The following CD48 variants were observed in gnomAD, a reference collection of about 807,000 sequenced individuals.
CD48 encodes the protein CD48 antigen.
In CD48, 20 loss-of-function variants were observed where a neutral mutation model predicts 22.0. That is an observed-to-expected ratio of 0.91 (90% CI 0.64 to 1.32). The LOEUF (loss-of-function observed/expected upper bound fraction) is 1.32, where lower values mean the gene tolerates loss of function less well. Among genes scored for constraint, CD48 ranks in the 40% most tolerant of loss-of-function variants. The probability of loss-of-function intolerance (pLI) is 0.00; values close to 1 mark genes in which losing one functional copy is unlikely to be tolerated. For missense variants in CD48, 307 were observed against 286.5 expected (o/e 1.07, Z -0.52); for synonymous variants, 110 against 110.1 (o/e 1.00, Z 0.01).
At chr1:160,684,835 T>C in intron 2 of CD48, 52 bp downstream of exon 2, 2 of 1,614,030 alleles carry the variant, frequency 1.2e-6, no homozygotes, top group South Asian at 1.1e-5. Flanking sequence ...CCTACAGTGG[T>C]CCATCTGGGG....
intron 1 of CD48, among the ~76,000 whole-genome samples, chr1:160,686,935 A>G (rs569803549): frequency 2.0e-5 from 3 of 152,196 alleles, no homozygotes; most frequent in Non-Finnish European, 4.4e-5. Context: ...ATCAGGAGAC[A>G]GGGTTTTGAG....
chr1:160,688,531 C>A (rs1246571878), intron 1 of CD48, among the ~76,000 whole-genome samples: 3 of 152,190 alleles, frequency 2.0e-5, no homozygotes, highest in Non-Finnish European at 4.4e-5. Flanking sequence ...GGAGGCTTAA[C>A]ACAACTCTGT....
chr1:160,680,522 G>T (rs986512266), intron 3 of CD48: 17 of 959,196 alleles, frequency 1.8e-5, no homozygotes, highest in Non-Finnish European at 1.9e-5. Context: ...GTGACCCCAG[G>T]TATGACTGAC....
chr1:160,710,637 C>T (rs1211245024), intron 1 of CD48, among the ~76,000 whole-genome samples: 2 of 152,196 alleles, frequency 1.3e-5, no homozygotes, highest in East Asian at 3.8e-4. Flanking sequence ...GAATACTTCA[C>T]ATCAGCCCCC....
intron 3 of CD48, 32 bp downstream of exon 3, chr1:160,681,170 T>C: frequency 1.9e-6 from 3 of 1,614,040 alleles, no homozygotes; most frequent in Non-Finnish European, 2.5e-6. Flanking sequence ...AGTTACCCTG[T>C]GCCCCCCTCA....
chr1:160,690,556 C>A (rs1330769800), intron 1 of CD48, among the ~76,000 whole-genome samples: 6 of 152,190 alleles, frequency 3.9e-5, no homozygotes, highest in African/African-American at 7.2e-5. Context: ...TCCTGAGCTT[C>A]TTGGGTCATT....
chr1:160,692,701 A>G (rs938769043), intron 1 of CD48, among the ~76,000 whole-genome samples: 5 of 152,200 alleles, frequency 3.3e-5, no homozygotes, highest in Non-Finnish European at 7.3e-5. Context: ...AGAAGTCAAG[A>G]AAGGAAGGAG....
chr1:160,680,996 C>T, intron 3 of CD48: 1 of 1,349,318 alleles, frequency 7.4e-7, no homozygotes, highest in East Asian at 2.6e-5. Flanking sequence ...CAGGTGAGAA[C>T]ACTGAGCCCC....
chr1:160,694,566 G>A (rs1662341816), intron 1 of CD48, among the ~76,000 whole-genome samples: 1 of 152,034 alleles, frequency 6.6e-6, no homozygotes, highest in Non-Finnish European at 1.5e-5. Context: ...AATCTGTGGG[G>A]TCGAGATTTG....
intron 3 of CD48, chr1:160,680,620 C>T: frequency 2.0e-6 from 2 of 1,008,474 alleles, no homozygotes; most frequent in Non-Finnish European, 2.4e-6. Flanking sequence ...GTGGATCCTC[C>T]CAGGAGACAG....
chr1:160,709,351 A>G (rs1662885282), intron 1 of CD48, among the ~76,000 whole-genome samples: 1 of 152,178 alleles, frequency 6.6e-6, no homozygotes, highest in African/African-American at 2.4e-5. Context: ...AAGCAATTGC[A>G]CATTTTTTAT....
chr1:160,703,149 C>T (rs576536908), intron 1 of CD48, among the ~76,000 whole-genome samples: 1 of 152,208 alleles, frequency 6.6e-6, no homozygotes, highest in Admixed American at 6.5e-5. Flanking sequence ...AATTAGAATG[C>T]CATTACTGCT....
In CD48 at chr1:160,692,671, T is replaced by G. The variant is rs563609908; in HGVS notation, c.83-7482A>C. On this transcript the variant is annotated intron_variant, in intron 1 of 3. Transcript: ENST00000368046. The stretch of plus-strand genomic sequence containing the variant: ...TGGCACCACCTAGTAGACAGGGTAG[T>G]GAATTACATGAAATTATTGAGAAGT... 5.9e-5 allele frequency among the ~76,000 whole-genome samples: 9 copies of G among 152,198 alleles called. No homozygotes were observed. The East Asian group carries it at 1.3e-3, about 23-fold the overall frequency.
In CD48 at chr1:160,681,396, GA is replaced by G; in HGVS notation, c.457del (p.Ser153HisfsTer3). 6.2e-7 allele frequency: 1 copy of G among 1,614,136 alleles called. No homozygotes were observed. ...TACAGACTCGCCAGGTATCACACAT[GA>G]CAGTTTCAGATAACAGTTGTCATCC... ...DMDDNCYLKL[S>X]CVIPGESVNY... On this transcript the variant is annotated frameshift_variant, in exon 3 of 4. Transcript: ENST00000368046. LOFTEE classifies it high-confidence loss of function.
chr1:160,706,224 A>G (rs1041097363), intron 1 of CD48, among the ~76,000 whole-genome samples: 5 of 152,082 alleles, frequency 3.3e-5, no homozygotes, highest in African/African-American at 1.2e-4. Flanking sequence ...ACAGGCATGC[A>G]CCACCACGCC....
At chr1:160,687,800 T>A (rs1388567880) in intron 1 of CD48, among the ~76,000 whole-genome samples, 1 of 152,188 alleles carries the variant, frequency 6.6e-6, no homozygotes, top group Admixed American at 6.5e-5. Flanking sequence ...ATCCAAGTAG[T>A]GGGGTTTAAT....
intron 1 of CD48, among the ~76,000 whole-genome samples, chr1:160,688,874 G>A (rs1456397740): frequency 2.6e-5 from 4 of 152,092 alleles, no homozygotes; most frequent in African/African-American, 9.7e-5. Context: ...TCCACTAGAG[G>A]AGCAATTATT....
chr1:160,704,069 C>T (rs1329744946), intron 1 of CD48, among the ~76,000 whole-genome samples: 1 of 151,946 alleles, frequency 6.6e-6, no homozygotes, highest in Non-Finnish European at 1.5e-5. Flanking sequence ...TGTGCATTTA[C>T]AATGTATTTA....
intron 2 of CD48, chr1:160,683,585 C>CT (rs1433552600): frequency 6.8e-6 from 1 of 147,768 alleles, no homozygotes; most frequent in African/African-American, 2.5e-5. Flanking sequence ...GACCTTGAAT[C>CT]TTTTTGTTCC....
Sources: allele counts gnomAD v4.1 joint callset (sites outside exome capture counted in the v4.1 genomes callset), GRCh38; gene constraint gnomAD v4.1.1; transcripts MANE v1.5; gene names NCBI Gene and HGNC (gene_info 2026-07-23, HGNC 2026-07-21).